The following TMEM163 variants were observed in gnomAD, a reference collection of about 807,000 sequenced individuals.
The protein encoded by TMEM163 is transmembrane protein 163.
TMEM163 carries 17 observed loss-of-function variants against 29.3 expected under a neutral mutation model. The ratio of observed to expected loss-of-function variants is 0.58; its 90% CI spans 0.40 to 0.87. TMEM163 has a LOEUF of 0.87. Ranked by LOEUF, TMEM163 falls within the 40% of genes least tolerant of loss-of-function variation. The probability of loss-of-function intolerance (pLI) is 0.00; values close to 1 mark genes in which losing one functional copy is unlikely to be tolerated. For synonymous variants in TMEM163, 157 were observed against 160.6 expected (o/e 0.98, Z 0.17); for missense variants, 303 against 381.5 (o/e 0.79, Z 1.71).
At chr2:134,709,076 G>T (rs980411985) in intron 2 of TMEM163, among the ~76,000 whole-genome samples, 2 of 152,192 alleles carry the variant, frequency 1.3e-5, no homozygotes, top group Non-Finnish European at 2.9e-5. Context: ...GAGTCAGAAT[G>T]CATTTTCCTA....
chr2:134,677,626 T>C (rs1440360912), intron 2 of TMEM163, among the ~76,000 whole-genome samples: 1 of 152,180 alleles, frequency 6.6e-6, no homozygotes, highest in Non-Finnish European at 1.5e-5. Flanking sequence ...CTATCTATAA[T>C]ATGACCATAG....
chr2:134,705,605 C>G (rs1684793968), intron 2 of TMEM163, among the ~76,000 whole-genome samples: 1 of 152,200 alleles, frequency 6.6e-6, no homozygotes, highest in Non-Finnish European at 1.5e-5. Flanking sequence ...CCTACCCCGG[C>G]TTCCTCTGTT....
At chr2:134,496,228 AT>A (rs2106484538) in intron 5 of TMEM163, among the ~76,000 whole-genome samples, 1 of 152,052 alleles carries the variant, frequency 6.6e-6, no homozygotes. Flanking sequence ...CGCCCAGCTA[AT>A]TTTTGTATTT....
chr2:134,491,816 A>G (rs1358153642), intron 5 of TMEM163, among the ~76,000 whole-genome samples: 1 of 152,250 alleles, frequency 6.6e-6, no homozygotes, highest in African/African-American at 2.4e-5. Flanking sequence ...GCTCACAGAC[A>G]TATCACATCC....
At chr2:134,615,634 T>C (rs1682592561) in intron 2 of TMEM163, among the ~76,000 whole-genome samples, 1 of 148,892 alleles carries the variant, frequency 6.7e-6, no homozygotes, top group Admixed American at 6.7e-5. Flanking sequence ...CCAGATCAGC[T>C]GCAAACAAGA....
At position 134,653,797 on chromosome 2, in the gene TMEM163, G is replaced by A. The variant is rs1213132563; in HGVS notation, c.322+59403C>T. 5.1e-5 allele frequency among the ~76,000 whole-genome samples: 6 copies of A among 118,084 alleles called. 2 individuals carry two copies. The highest frequency in any genetic ancestry group is 6.7e-5 in the Non-Finnish European group (4 of 59,902). The allele number at this position is 118,084 out of a possible 152,430, so 77.5% of individuals were successfully genotyped here. On this transcript the variant is annotated intron_variant, in intron 2 of 7. Coordinates refer to ENST00000281924, the MANE Select transcript of TMEM163 (RefSeq NM_030923.5). ...ACATCTTTATTTCTGCCTTCATTTC[G>A]TTACGTACCCAGTAGTCATTCAGGA...
At chr2:134,605,201 A>G (rs925439658) in intron 2 of TMEM163, among the ~76,000 whole-genome samples, 2 of 151,314 alleles carry the variant, frequency 1.3e-5, no homozygotes, top group Non-Finnish European at 2.9e-5. Context: ...AAAAAACCAC[A>G]ATCTTCATCC....
intron 2 of TMEM163, among the ~76,000 whole-genome samples, chr2:134,673,110 C>T (rs934685341): frequency 3.9e-5 from 6 of 152,198 alleles, no homozygotes; most frequent in African/African-American, 1.4e-4. Flanking sequence ...CATGGACCCT[C>T]TCCACAGAAA....
At chr2:134,711,500 G>C (rs1052104769) in intron 2 of TMEM163, among the ~76,000 whole-genome samples, 1 of 152,194 alleles carries the variant, frequency 6.6e-6, no homozygotes, top group Admixed American at 6.5e-5. Flanking sequence ...CTAGAAGTTA[G>C]AGGATTTAAA....
chr2:134,502,406 A>G (rs576527063), intron 5 of TMEM163, among the ~76,000 whole-genome samples: 2 of 152,362 alleles, frequency 1.3e-5, no homozygotes, highest in African/African-American at 4.8e-5. Context: ...AGGACAAAGC[A>G]GTCAAAGACA....
At chr2:134,493,576 G>A (rs551195859) in intron 5 of TMEM163, among the ~76,000 whole-genome samples, 4 of 151,916 alleles carry the variant, frequency 2.6e-5, no homozygotes, top group South Asian at 2.1e-4. Context: ...GTTTCACCAC[G>A]TTGGCCAGGA....
chr2:134,505,975 C>T (rs528629213), intron 4 of TMEM163, among the ~76,000 whole-genome samples: 22 of 152,186 alleles, frequency 1.4e-4, no homozygotes, highest in Middle Eastern at 3.4e-3. Flanking sequence ...ATCGTAAGCT[C>T]CCCCCATGGA....
chr2:134,623,167 G>A (rs906985282), intron 2 of TMEM163, among the ~76,000 whole-genome samples: 2 of 152,088 alleles, frequency 1.3e-5, no homozygotes, highest in African/African-American at 4.8e-5. Context: ...GTTTCTGATG[G>A]TGGTGAAAAT....
At chr2:134,458,465 C>T (rs1686452046) in intron 6 of TMEM163, 4 of 372,400 alleles carry the variant, frequency 1.1e-5, no homozygotes, top group Admixed American at 7.5e-5. Flanking sequence ...CCCGCTAGAA[C>T]GCAAACCTCC....
intron 2 of TMEM163, among the ~76,000 whole-genome samples, chr2:134,588,972 A>G (rs989888937): frequency 6.6e-6 from 1 of 152,216 alleles, no homozygotes; most frequent in African/African-American, 2.4e-5. Context: ...ATTTCACATT[A>G]GAGGGAATAG....
At chr2:134,709,813 G>C (rs1684888943) in intron 2 of TMEM163, among the ~76,000 whole-genome samples, 3 of 152,196 alleles carry the variant, frequency 2.0e-5, no homozygotes, top group Admixed American at 2.0e-4. Flanking sequence ...CATCAACACA[G>C]ACATAAAGTC....
chr2:134,517,485 C>T (rs1680099110), intron 4 of TMEM163, among the ~76,000 whole-genome samples: 1 of 152,138 alleles, frequency 6.6e-6, no homozygotes, highest in Non-Finnish European at 1.5e-5. Flanking sequence ...GTAGACAAGC[C>T]GGAATTTTCT....
At chr2:134,624,074 C>T (rs1682795640) in intron 2 of TMEM163, among the ~76,000 whole-genome samples, 1 of 152,180 alleles carries the variant, frequency 6.6e-6, no homozygotes, top group Non-Finnish European at 1.5e-5. Flanking sequence ...TTGAAGATGG[C>T]AGGCAATCCC....
intron 2 of TMEM163, among the ~76,000 whole-genome samples, chr2:134,670,866 C>A (rs1016087724): frequency 6.6e-6 from 1 of 152,228 alleles, no homozygotes; most frequent in Non-Finnish European, 1.5e-5. Flanking sequence ...GAAACCAACA[C>A]CACATAAGTG....
Sources: gnomAD v4.1 joint callset for allele counts (sites outside exome capture counted in the v4.1 genomes callset) on GRCh38, gnomAD v4.1.1 for gene constraint, MANE v1.5 for transcripts, NCBI Gene and HGNC (gene_info 2026-07-23, HGNC 2026-07-21) for gene names.